SLC44A5: variants seen among roughly 807,000 people sequenced by gnomAD.
SLC44A5 encodes the protein solute carrier family 44 member 5.
A neutral mutation model predicts 101.8 loss-of-function variants in SLC44A5; 57 were observed. The ratio of observed to expected loss-of-function variants is 0.56; its 90% CI spans 0.45 to 0.70. The LOEUF is 0.70. SLC44A5 is among the 30% of genes least tolerant of loss of function. The pLI, the probability that SLC44A5 is intolerant of heterozygous loss-of-function variation, is 0.00. For synonymous variants in SLC44A5, 281 were observed against 290.9 expected (o/e 0.97, Z 0.35); for missense variants, 737 against 853.1 (o/e 0.86, Z 1.70).
chr1:75,584,701 T>A (rs1283638129), intron 1 of SLC44A5, among the ~76,000 whole-genome samples: 1 of 151,944 alleles, frequency 6.6e-6, no homozygotes, highest in Non-Finnish European at 1.5e-5. Context: ...GCCTCAGCAT[T>A]CCAGTTCAAG....
At chr1:75,339,374 C>T (rs939876944) in intron 4 of SLC44A5, among the ~76,000 whole-genome samples, 4 of 152,106 alleles carry the variant, frequency 2.6e-5, no homozygotes, top group African/African-American at 4.8e-5. Flanking sequence ...AGTTCATTTG[C>T]TAATGGGAGA....
chr1:75,622,331 G>A, the SLC44A5 span, among the ~76,000 whole-genome samples: 1 of 151,924 alleles, frequency 6.6e-6, no homozygotes, highest in African/African-American at 2.4e-5. Context: ...TAAAAATATT[G>A]TGCTCAATCT....
the SLC44A5 span, among the ~76,000 whole-genome samples, chr1:75,682,606 A>G: frequency 6.6e-6 from 1 of 151,922 alleles, no homozygotes; most frequent in Non-Finnish European, 1.5e-5. Flanking sequence ...AAATCAATTC[A>G]AGATGGATTA....
intron 1 of SLC44A5, among the ~76,000 whole-genome samples, chr1:75,604,763 GTGTA>G (rs750035417): frequency 0.014 from 1,254 of 86,646 alleles, 11 homozygotes; most frequent in Middle Eastern, 0.03. Flanking sequence ...AGGGGTGTGT[GTGTA>G]TGTGTGTGTG....
chr1:75,344,279 G>A (rs559034530), intron 3 of SLC44A5, among the ~76,000 whole-genome samples: 1 of 152,244 alleles, frequency 6.6e-6, no homozygotes, highest in East Asian at 1.9e-4. Flanking sequence ...CCATTCCAAA[G>A]CAGCTAATTC....
Position 75,379,103 on chromosome 1 carries a change from G to T in SLC44A5, c.52+17480C>A, listed in dbSNP as rs1439221262. On this transcript the variant is annotated intron_variant, in intron 3 of 23. Transcript: ENST00000370859. ...AGCCCAAGAGGGAGAGCCTCCCACA[G>T]TTGAGGCCAGATACAAGTCTTTTTC... Among the ~76,000 whole-genome samples, 3 of 77,814 alleles carry T rather than the reference G, an allele frequency of 3.9e-5. 1 individual carries two copies. Among genetic ancestry groups the T allele is most frequent in the Non-Finnish European group, 6.4e-5 (3 of 46,770 alleles). The allele number at this position is 77,814 out of a possible 152,430, so 51.0% of individuals were successfully genotyped here. A position where few individuals can be genotyped will look rare whatever the true frequency, so the allele number is the denominator to read the frequency against.
At chr1:75,498,487 G>A (rs145739049) in intron 2 of SLC44A5, among the ~76,000 whole-genome samples, 4 of 152,084 alleles carry the variant, frequency 2.6e-5, no homozygotes, top group African/African-American at 9.6e-5. Context: ...AGGAAAATAT[G>A]GTACTCATTC....
At chr1:75,331,924 A>G (rs1657089509) in intron 4 of SLC44A5, among the ~76,000 whole-genome samples, 1 of 152,114 alleles carries the variant, frequency 6.6e-6, no homozygotes, top group African/African-American at 2.4e-5. Flanking sequence ...CACCAAATCT[A>G]AATTAACACT....
intron 2 of SLC44A5, among the ~76,000 whole-genome samples, chr1:75,506,901 CCTATT>C (rs1307113869): frequency 7.0e-6 from 1 of 142,578 alleles, no homozygotes; most frequent in African/African-American, 2.6e-5. Flanking sequence ...GGTTCCTATT[CCTATT>C]CTTTTTTTTT....
intron 2 of SLC44A5, among the ~76,000 whole-genome samples, chr1:75,479,581 C>T (rs1456247289): frequency 6.6e-6 from 1 of 152,198 alleles, no homozygotes; most frequent in Non-Finnish European, 1.5e-5. Context: ...CACCACTGAT[C>T]CCACAGAAAT....
intron 4 of SLC44A5, among the ~76,000 whole-genome samples, chr1:75,320,694 C>A (rs1196147337): frequency 6.6e-6 from 1 of 152,062 alleles, no homozygotes; most frequent in Non-Finnish European, 1.5e-5. Flanking sequence ...TAATAAGGAT[C>A]ATTTAATTAT....
chr1:75,250,077 T>C (rs1649434562), intron 7 of SLC44A5, among the ~76,000 whole-genome samples: 1 of 152,140 alleles, frequency 6.6e-6, no homozygotes. Flanking sequence ...GGAGTTTTGT[T>C]GAACAGATTA....
At chr1:75,537,163 TA>T in intron 2 of SLC44A5, among the ~76,000 whole-genome samples, 1 of 152,060 alleles carries the variant, frequency 6.6e-6, no homozygotes, top group East Asian at 1.9e-4. Flanking sequence ...TGTATGTAAT[TA>T]TATGTGAAAT....
At chr1:75,316,547 C>T (rs765727369) in intron 4 of SLC44A5, among the ~76,000 whole-genome samples, 36 of 152,148 alleles carry the variant, frequency 2.4e-4, no homozygotes, top group African/African-American at 6.3e-4. Flanking sequence ...CATTTGAATA[C>T]GGGAAACTTC....
At chr1:75,699,046 C>G in the SLC44A5 span, among the ~76,000 whole-genome samples, 3 of 152,072 alleles carry the variant, frequency 2.0e-5, no homozygotes, top group Non-Finnish European at 4.4e-5. Flanking sequence ...CTGAAAGTGA[C>G]GGGGAGAATG....
intron 2 of SLC44A5, among the ~76,000 whole-genome samples, chr1:75,496,019 G>C (rs1668653217): frequency 6.6e-6 from 1 of 151,918 alleles, no homozygotes; most frequent in African/African-American, 2.4e-5. Context: ...TCACCCTGTT[G>C]TGTGATCAAA....
chr1:75,388,589 G>C (rs1661564805), intron 3 of SLC44A5, among the ~76,000 whole-genome samples: 1 of 151,982 alleles, frequency 6.6e-6, no homozygotes, highest in African/African-American at 2.4e-5. Flanking sequence ...GACCATCCTG[G>C]CTAACGTGGT....
intron 2 of SLC44A5, among the ~76,000 whole-genome samples, chr1:75,510,071 A>G (rs1356313807): frequency 2.6e-5 from 4 of 152,170 alleles, no homozygotes; most frequent in Non-Finnish European, 5.9e-5. Flanking sequence ...CATGAGACTT[A>G]TTCACTATCA....
intron 3 of SLC44A5, among the ~76,000 whole-genome samples, chr1:75,375,594 T>C (rs1212407922): frequency 6.7e-6 from 1 of 148,466 alleles, no homozygotes; most frequent in African/African-American, 2.5e-5. Flanking sequence ...AAAAGGGTCA[T>C]ATCACTTTTC....
Sources: gnomAD v4.1 joint callset for allele counts (sites outside exome capture counted in the v4.1 genomes callset) on GRCh38, gnomAD v4.1.1 for gene constraint, MANE v1.5 for transcripts, NCBI Gene and HGNC (gene_info 2026-07-23, HGNC 2026-07-21) for gene names.